DNAJB7: variants seen among roughly 807,000 people sequenced by gnomAD.
DNAJB7 encodes dnaJ homolog subfamily B member 7.
A neutral mutation model predicts 1.2 loss-of-function variants in DNAJB7; 1 was observed. The observed-to-expected ratio is 0.84, with a 90% CI of 0.30 to 4.01. The LOEUF (loss-of-function observed/expected upper bound fraction) is 4.01, where lower values mean the gene tolerates loss of function less well. Among genes scored for constraint, DNAJB7 ranks in the 30% most tolerant of loss-of-function variants. The pLI, the probability that DNAJB7 is intolerant of heterozygous loss-of-function variation, is 0.18. For synonymous variants in DNAJB7, 128 were observed against 127.7 expected, an observed-to-expected ratio of 1.00 and a Z score of -0.01; for missense variants, 420 against 358.5, an observed-to-expected ratio of 1.17 and a Z score of -1.39.
chr22:40,860,539 G>T lies in DNAJB7; in HGVS notation c.*526C>A, dbSNP rs2057936544. 1 of 784,256 alleles carries T rather than the reference G, an allele frequency of 1.3e-6. No individual in the cohort carries two copies. Among genetic ancestry groups the T allele is most frequent in the East Asian group, 3.1e-5 (1 of 32,572 alleles). 48.6% of individuals were successfully genotyped at this position (784,256 alleles called of 1,614,324 possible). A position where few individuals can be genotyped will look rare whatever the true frequency, so the allele number is the denominator to read the frequency against. ...TCTTGATACATTCTTGTCTTCTAAT[G>T]CTATGCATGTTTCGTAAGTTTGTAT... On this transcript the variant is annotated 3_prime_UTR_variant, in exon 1 of 1. Transcript: ENST00000307221.
Sources: gnomAD v4.1 joint callset for allele counts on GRCh38, gnomAD v4.1.1 for gene constraint, MANE v1.5 for transcripts, NCBI Gene and HGNC (gene_info 2026-07-23, HGNC 2026-07-21) for gene names.